Variants in CRISPLD2 observed in about 807,000 individuals in gnomAD.
The protein encoded by CRISPLD2 is cysteine-rich secretory protein LCCL domain-containing 2.
Under a neutral mutation model 71.1 loss-of-function variants are expected in CRISPLD2, and 47 were observed. The observed-to-expected ratio is 0.66, with a 90% CI of 0.52 to 0.84. The LOEUF is 0.84. Among genes scored for constraint, CRISPLD2 ranks in the 40% least tolerant of loss-of-function variants. CRISPLD2 has a pLI of 0.00. For synonymous variants in CRISPLD2, 317 were observed against 250.1 expected (o/e 1.27, Z -2.52); for missense variants, 830 against 651.1 (o/e 1.27, Z -2.99).
chr16:84,899,787 CT>C (rs2071737499), intron 14 of CRISPLD2, among the ~76,000 whole-genome samples: 1 of 152,164 alleles, frequency 6.6e-6, no homozygotes, highest in African/African-American at 2.4e-5. Flanking sequence ...GAATGGTTCC[CT>C]TGTCCCTTGG....
chr16:84,824,978 C>T (rs1289882864), intron 1 of CRISPLD2, among the ~76,000 whole-genome samples: 1 of 152,034 alleles, frequency 6.6e-6, no homozygotes, highest in Non-Finnish European at 1.5e-5. Context: ...GTGGCAGGCA[C>T]CTGTAGTCCC....
intron 1 of CRISPLD2, among the ~76,000 whole-genome samples, chr16:84,822,318 C>A (rs1490312643): frequency 2.6e-5 from 4 of 152,212 alleles, no homozygotes; most frequent in African/African-American, 9.7e-5. Context: ...TGCACTTCAT[C>A]CCTCAAAAGA....
At chr16:84,872,122 A>C (rs1432691586) in intron 8 of CRISPLD2, among the ~76,000 whole-genome samples, 1 of 152,196 alleles carries the variant, frequency 6.6e-6, no homozygotes, top group Non-Finnish European at 1.5e-5. Context: ...AGATGTTTTA[A>C]AGCATATGGG....
intron 13 of CRISPLD2, among the ~76,000 whole-genome samples, chr16:84,885,540 A>G (rs2071604899): frequency 6.6e-6 from 1 of 151,968 alleles, no homozygotes; most frequent in Non-Finnish European, 1.5e-5. Flanking sequence ...TCTGCCTGCA[A>G]CTCCAGGGCC....
intron 2 of CRISPLD2, among the ~76,000 whole-genome samples, chr16:84,842,534 C>T (rs1446326511): frequency 6.6e-6 from 1 of 151,790 alleles, no homozygotes; most frequent in African/African-American, 2.4e-5. Flanking sequence ...CCAGCACACC[C>T]GGCTAATTTT....
intron 13 of CRISPLD2, among the ~76,000 whole-genome samples, chr16:84,886,796 CA>C (rs1239457643): frequency 6.6e-6 from 1 of 152,212 alleles, no homozygotes; most frequent in Non-Finnish European, 1.5e-5. Flanking sequence ...GCCTGGGTGA[CA>C]AAGTGAGATC....
rs1015520081 is a variant in CRISPLD2 at position 84,909,408 on chromosome 16, G to A, written c.*2766G>A. 1.3e-5 allele frequency: 2 copies of A among 152,628 alleles called. No homozygotes were observed. Among genetic ancestry groups the A allele is most frequent in the African/African-American group, 4.8e-5 (2 of 41,448 alleles). 9.5% of individuals were successfully genotyped at this position (152,628 alleles called of 1,614,324 possible). A position where few individuals can be genotyped will look rare whatever the true frequency, so the allele number is the denominator to read the frequency against. Reference sequence around the variant, plus strand: ...TTGCATGAACAGGGGCCACGTTGTTGCAATTGTTTCAGTAGAACTGGTTTG... The same window carrying A: ...TTGCATGAACAGGGGCCACGTTGTTACAATTGTTTCAGTAGAACTGGTTTG... On this transcript the variant is annotated 3_prime_UTR_variant, in exon 15 of 15. Transcript: ENST00000262424.
In CRISPLD2 at chr16:84,880,562, T is replaced by A. The variant is rs2071559371; in HGVS notation, c.1283T>A (p.Phe428Tyr). Residue 428 changes from phenylalanine (F) to tyrosine (Y), a missense_variant, in exon 13 of 15, where the codon TTT (phenylalanine) becomes TAT (tyrosine). Coordinates refer to ENST00000262424, the MANE Select transcript of CRISPLD2 (RefSeq NM_031476.4). ...KDEPSYWAPV[F>Y]GTNIYADTSS... ...GAACCTTCCTACTGGGCTCCGGTGT[T>A]TGGAACCAACATCTATGCAGATGTG... is the stretch of plus-strand genomic sequence containing the variant. The A allele has an allele frequency of 6.2e-7, 1 of 1,613,966 alleles. No individual in the cohort carries two copies. The highest frequency in any genetic ancestry group is 1.7e-5 in the Admixed American group (1 of 60,010).
At chr16:84,878,358 C>T (rs1382721230) in intron 12 of CRISPLD2, among the ~76,000 whole-genome samples, 4 of 152,216 alleles carry the variant, frequency 2.6e-5, no homozygotes, top group South Asian at 2.1e-4. Flanking sequence ...CTCCAGCTCC[C>T]GGCCACACCC....
chr16:84,905,997 C>T (rs1043558387), intron 14 of CRISPLD2, among the ~76,000 whole-genome samples: 8 of 152,134 alleles, frequency 5.3e-5, no homozygotes, highest in South Asian at 2.1e-4. Flanking sequence ...CATGAGCCAC[C>T]GCGCCTGGCC....
intron 7 of CRISPLD2, 58 bp downstream of exon 7, chr16:84,867,098 G>T (rs1917563067): frequency 6.4e-7 from 1 of 1,573,784 alleles, no homozygotes; most frequent in East Asian, 2.3e-5. Flanking sequence ...AAAGGGGACG[G>T]GGTGGGTGGA....
chr16:84,855,287 T>C (rs1917206573), intron 6 of CRISPLD2, among the ~76,000 whole-genome samples: 1 of 152,056 alleles, frequency 6.6e-6, no homozygotes, highest in African/African-American at 2.4e-5. Flanking sequence ...TATATATAAA[T>C]ATGTATATAT....
chr16:84,854,745 G>C lies in CRISPLD2; in HGVS notation c.625G>C (p.Glu209Gln). 7.4e-6 allele frequency: 12 copies of C among 1,614,094 alleles called. No homozygotes were observed. The highest frequency in any genetic ancestry group is 1.0e-5 in the Non-Finnish European group (12 of 1,179,954). ...NYSPKGNWIG[E>Q]APYKNGRPCS... The stretch of plus-strand genomic sequence containing the variant: ...TGTCCTCAGGGGGAACTGGATTGGA[G>C]AAGCCCCCTACAAGAATGGCCGGCC... The change falls in exon 6 of 15, where the codon GAA becomes CAA. Residue 209 changes from glutamate (E) to glutamine (Q), a missense_variant. Coordinates refer to ENST00000262424, the MANE Select transcript of CRISPLD2 (RefSeq NM_031476.4).
chr16:84,857,150 A>G (rs1917262099), intron 6 of CRISPLD2, among the ~76,000 whole-genome samples: 1 of 152,208 alleles, frequency 6.6e-6, no homozygotes, highest in African/African-American at 2.4e-5. Flanking sequence ...CAGTGGCCAT[A>G]GCCAGGTCAG....
intron 13 of CRISPLD2, among the ~76,000 whole-genome samples, chr16:84,888,726 C>T (rs1228881195): frequency 6.6e-6 from 1 of 152,210 alleles, no homozygotes; most frequent in Non-Finnish European, 1.5e-5. Flanking sequence ...ACGAGCCTTT[C>T]CCTCTGCCTG....
intron 7 of CRISPLD2, among the ~76,000 whole-genome samples, 161 bp downstream of exon 7, chr16:84,867,201 T>C (rs1161172629): frequency 6.6e-6 from 1 of 152,196 alleles, no homozygotes; most frequent in Non-Finnish European, 1.5e-5. Context: ...TAAGACGTTT[T>C]TCAAAAACGA....
At chr16:84,905,748 C>T (rs1248778184) in intron 14 of CRISPLD2, among the ~76,000 whole-genome samples, 2 of 137,214 alleles carry the variant, frequency 1.5e-5, no homozygotes, top group Non-Finnish European at 3.1e-5. Context: ...TTACTCTTGT[C>T]CCCCAGGCTG....
At position 84,866,919 on chromosome 16, in the gene CRISPLD2, T is replaced by C. The variant is rs1861884968; in HGVS notation, c.732T>C (p.Pro244=). Residue 244 remains proline (P), a synonymous_variant, in exon 7 of 15, where the codon CCT becomes CCC. Coordinates refer to ENST00000262424, the MANE Select transcript of CRISPLD2 (RefSeq NM_031476.4). The stretch of plus-strand genomic sequence containing the variant: ...AAGAAGAAACCTACACTCCAAAACC[T>C]GAAACGGACGAGATGAATGAGGTGG... ...CYREETYTPK[P]ETDEMNEVET... 6.2e-7 allele frequency: 1 copy of C among 1,614,132 alleles called. No individual in the cohort carries two copies. The highest frequency in any genetic ancestry group is 1.3e-5 in the African/African-American group (1 of 75,044).
chr16:84,875,825 C>G (rs561924169), intron 11 of CRISPLD2, among the ~76,000 whole-genome samples: 93 of 151,894 alleles, frequency 6.1e-4, no homozygotes, highest in African/African-American at 2.1e-3. Context: ...CTGGGCCTCC[C>G]CAAGTGCTAG....
Sources: gnomAD v4.1 joint callset for allele counts (sites outside exome capture counted in the v4.1 genomes callset) on GRCh38, gnomAD v4.1.1 for gene constraint, MANE v1.5 for transcripts, NCBI Gene and HGNC (gene_info 2026-07-23, HGNC 2026-07-21) for gene names.